Variants in JCAD observed in about 807,000 individuals in gnomAD.
JCAD encodes junctional cadherin 5 associated.
Under a neutral mutation model 98.0 loss-of-function variants are expected in JCAD, and 40 were observed. That is an observed-to-expected ratio of 0.41 (90% confidence interval 0.32 to 0.53). The LOEUF is 0.53. Among genes scored for constraint, JCAD ranks in the 20% least tolerant of loss-of-function variants. The pLI is 0.31. For synonymous variants in JCAD, 691 were observed against 682.3 expected (o/e 1.01, Z -0.20); for missense variants, 1,705 against 1,738.1 (o/e 0.98, Z 0.34).
chr10:30,115,092 A>C (rs1351831198), intron 1 of JCAD, among the ~76,000 whole-genome samples: 1 of 152,174 alleles, frequency 6.6e-6, no homozygotes, highest in Non-Finnish European at 1.5e-5. Context: ...CTACCTTTGT[A>C]ATCTATATAC....
At chr10:30,051,264 A>ACACGCACGCACACACG (rs1837461075) in intron 1 of JCAD, among the ~76,000 whole-genome samples, 1 of 134,724 alleles carries the variant, frequency 7.4e-6, no homozygotes, top group East Asian at 2.0e-4. Flanking sequence ...CCACACGCAC[A>ACACGCACGCACACACG]CACGCACGCA....
chr10:30,034,004 C>T lies in JCAD; in HGVS notation c.282-4138G>A, dbSNP rs866532799. ...TTTGGAGGCTGAGGTGGGTGGATCA[C>T]CTGAGGTCAGAAGTATGAGACCAGC... On this transcript the variant is annotated intron_variant, in intron 2 of 3. Transcript: ENST00000375377. Among the ~76,000 whole-genome samples, 5 of 152,162 alleles carry T rather than the reference C, an allele frequency of 3.3e-5. 1 individual carries two copies. Among genetic ancestry groups the T allele is most frequent in the Middle Eastern group, 6.8e-3 (2 of 294 alleles).
intron 1 of JCAD, among the ~76,000 whole-genome samples, chr10:30,098,536 A>G (rs1211887620): frequency 1.3e-5 from 2 of 152,188 alleles, no homozygotes; most frequent in Non-Finnish European, 2.9e-5. Context: ...ACTCCAAGAA[A>G]GCTGGGATGG....
At chr10:30,069,387 C>CG in intron 2 of JCAD, among the ~76,000 whole-genome samples, 1 of 145,150 alleles carries the variant, frequency 6.9e-6, no homozygotes, top group South Asian at 2.2e-4. Flanking sequence ...TGCTTGAGCC[C>CG]AGAAGTTCAA....
intron 1 of JCAD, among the ~76,000 whole-genome samples, chr10:30,097,176 G>A (rs987837024): frequency 2.6e-5 from 4 of 152,134 alleles, no homozygotes; most frequent in Non-Finnish European, 5.9e-5. Flanking sequence ...CACTGGCCAC[G>A]TGCAGCTAGC....
Position 30,017,833 on chromosome 10 carries a change from A to G in JCAD, c.*50T>C. Reference sequence around the variant, plus strand: ...GGCTGATAGACTAAATCTACCAGCTACTTGAGAATACTCAATTCGCAACGG... The same window carrying G: ...GGCTGATAGACTAAATCTACCAGCTGCTTGAGAATACTCAATTCGCAACGG... On this transcript the variant is annotated 3_prime_UTR_variant, in exon 4 of 4. Transcript: ENST00000375377. The G allele has an allele frequency of 6.5e-7, 1 of 1,535,648 alleles. No individual in the cohort carries two copies. The highest frequency in any genetic ancestry group is 9.0e-7 in the Non-Finnish European group (1 of 1,107,848).
At chr10:30,062,840 C>CTAT (rs999780887), upstream of JCAD, among the ~76,000 whole-genome samples, 15 of 152,170 alleles carry the variant, frequency 9.9e-5, no homozygotes, top group Non-Finnish European at 1.8e-4. Context: ...CACGTAAGGA[C>CTAT]TATTACAACC....
At chr10:30,032,938 G>T (rs927919515) in intron 2 of JCAD, among the ~76,000 whole-genome samples, 2 of 152,210 alleles carry the variant, frequency 1.3e-5, no homozygotes, top group Admixed American at 6.5e-5. Flanking sequence ...CTCTACAGAG[G>T]AGGAAACTGA....
intron 1 of JCAD, among the ~76,000 whole-genome samples, chr10:30,113,239 C>A (rs571568703): frequency 6.6e-6 from 1 of 151,894 alleles, no homozygotes; most frequent in Non-Finnish European, 1.5e-5. Context: ...GGATATGAAA[C>A]CTCGGTGAGG....
In JCAD at chr10:30,099,170, G is replaced by A. The variant is rs111797034; in HGVS notation, n.128+16197C>T. 9.0e-3 allele frequency among the ~76,000 whole-genome samples: 1,376 copies of A among 152,218 alleles called. 27 individuals are homozygous for A. Among genetic ancestry groups the A allele is most frequent in the African/African-American group, 0.031 (1,301 of 41,540 alleles). ...TATTTAAAAGTGGGGAAAATGAAAC[G>A]TAAACATAATCCCAACTCATCTTAC... On this transcript the variant is annotated intron_variant and non_coding_transcript_variant, in intron 1 of 2. Coordinates refer to the JCAD transcript ENST00000465712.
intron 2 of JCAD, among the ~76,000 whole-genome samples, chr10:30,038,095 C>A (rs1218244533): frequency 2.6e-5 from 4 of 152,158 alleles, no homozygotes; most frequent in Non-Finnish European, 5.9e-5. Flanking sequence ...TGGGTTAGGG[C>A]TTCAGTAGAC....
At chr10:30,070,691 G>A (rs1378493609) in intron 1 of JCAD, among the ~76,000 whole-genome samples, 1 of 152,152 alleles carries the variant, frequency 6.6e-6, no homozygotes, top group Non-Finnish European at 1.5e-5. Flanking sequence ...TCCAGCTACA[G>A]CATATGCCGG....
chr10:30,036,310 G>A (rs1049454213), intron 2 of JCAD, among the ~76,000 whole-genome samples: 5 of 152,162 alleles, frequency 3.3e-5, no homozygotes, highest in South Asian at 2.1e-4. Flanking sequence ...TTAGCCAGGC[G>A]TGGTAGTGGG....
intron 1 of JCAD, among the ~76,000 whole-genome samples, chr10:30,085,713 C>T (rs1159206798): frequency 6.6e-6 from 1 of 152,050 alleles, no homozygotes; most frequent in Non-Finnish European, 1.5e-5. Flanking sequence ...AAAAAGTGGC[C>T]CTCCAGCCAC....
At chr10:30,024,730 C>G (rs1040768600) in intron 3 of JCAD, among the ~76,000 whole-genome samples, 8 of 124,556 alleles carry the variant, frequency 6.4e-5, no homozygotes, top group Non-Finnish European at 1.1e-4. Context: ...GAGTCTTGCT[C>G]TGTCGCCCAG....
intron 3 of JCAD, among the ~76,000 whole-genome samples, chr10:30,024,538 G>A (rs1836739386): frequency 1.3e-5 from 2 of 152,182 alleles, no homozygotes; most frequent in South Asian, 4.1e-4. Context: ...CCACTGCAAA[G>A]GCCCAGCTTG....
At chr10:30,058,491 C>T (rs1211986920) in intron 1 of JCAD, among the ~76,000 whole-genome samples, 4 of 152,212 alleles carry the variant, frequency 2.6e-5, no homozygotes, top group African/African-American at 9.7e-5. Context: ...TAGCGCTGGC[C>T]TAAAGTTCTC....
chr10:30,053,823 G>A (rs1049997746), intron 1 of JCAD, among the ~76,000 whole-genome samples: 6 of 151,718 alleles, frequency 4.0e-5, no homozygotes, highest in African/African-American at 1.2e-4. Flanking sequence ...AGCACTTTGC[G>A]AGGCTGAGGT....
chr10:30,026,144 G>A lies in JCAD; in HGVS notation c.4004C>T (p.Ala1335Val), dbSNP rs1409299153. The A allele has an allele frequency of 6.2e-7, 1 of 1,614,152 alleles. No homozygotes were observed. Among genetic ancestry groups the A allele is most frequent in the Admixed American group, 1.7e-5 (1 of 60,032 alleles). ...ISREEKEHPA[A>V]QKEKSMDQDF... ...TTGATCCATGCTCTTCTCCTTTTGTGCTGCCGGATGCTCCTTCTCTTCCCT... is the reference window on the plus strand; with the variant it reads ...TTGATCCATGCTCTTCTCCTTTTGTACTGCCGGATGCTCCTTCTCTTCCCT... Residue 1335 changes from alanine (A) to valine (V), a missense_variant, in exon 3 of 4, where the codon GCA becomes GTA. Around this residue, in one of 3 missense-constraint regions of JCAD, gnomAD observed 1,278 missense variants for 1,243.1 expected, o/e 1.03. Coordinates refer to ENST00000375377, the MANE Select transcript of JCAD (RefSeq NM_020848.4).
Sources: gnomAD v4.1 joint callset for allele counts (sites outside exome capture counted in the v4.1 genomes callset) on GRCh38, gnomAD v4.1.1 for gene constraint, gnomAD v4.1.1 regional missense constraint, MANE v1.5 for transcripts, NCBI Gene and HGNC (gene_info 2026-07-23, HGNC 2026-07-21) for gene names.